The following FAU variants were observed in gnomAD, a reference collection of about 807,000 sequenced individuals.
FAU encodes FAU ubiquitin like and ribosomal protein S30 fusion.
For missense variants in FAU, 125 were observed against 173.9 expected (o/e 0.72, Z 1.58); for synonymous variants, 70 against 69.9 (o/e 1.00, Z -0.01).
Position 65,121,278 on chromosome 11 carries a change from C to T in FAU, c.220+222G>A, listed in dbSNP as rs578126888. 5.4e-6 allele frequency: 4 copies of T among 745,030 alleles called. No individual in the cohort carries two copies. In the African/African-American group the frequency reaches 7.1e-5, roughly 13 times the overall value. The allele number at this position is 745,030 out of a possible 1,614,324, so 46.2% of individuals were successfully genotyped here. ...TTTAGTGTGGAAGCTGATAACCAGA[C>T]TAGGATCTCGTGATGTGACTGAAAT... On this transcript the variant is annotated intron_variant, in intron 3 of 4. Coordinates refer to ENST00000529639, the MANE Select transcript of FAU (RefSeq NM_001997.5).
intron 3 of FAU, 114 bp downstream of exon 3, chr11:65,121,386 A>T: frequency 7.3e-7 from 1 of 1,361,296 alleles, no homozygotes; most frequent in Non-Finnish European, 1.0e-6. Context: ...TCTGAACTGA[A>T]GACAGTGAGA....
intron 4 of FAU, 22 bp downstream of exon 4, chr11:65,120,959 G>GA (rs1565332779): frequency 6.2e-7 from 1 of 1,613,738 alleles, no homozygotes; most frequent in Non-Finnish European, 8.5e-7. Flanking sequence ...CTAACACCAT[G>GA]ACCACTAATA....
intron 3 of FAU, 34 bp downstream of exon 3, chr11:65,121,466 C>T (rs377444105): frequency 7.1e-5 from 114 of 1,604,420 alleles, no homozygotes; most frequent in Non-Finnish European, 9.2e-5. Context: ...TAGACGCTTA[C>T]CGGTACTTCA....
chr11:65,121,423 C>T, intron 3 of FAU, 77 bp downstream of exon 3: 1 of 1,529,138 alleles, frequency 6.5e-7, no homozygotes. Context: ...AGGTGTGACA[C>T]TCAGCTGTCA....
chr11:65,121,561 A>C lies in FAU; in HGVS notation c.159T>G (p.Thr53=), dbSNP rs1332786558. 19 of 1,613,894 alleles carry C rather than the reference A, an allele frequency of 1.2e-5. No individual in the cohort carries two copies. Among genetic ancestry groups the C allele is most frequent in the Non-Finnish European group, 1.5e-5 (18 of 1,180,030 alleles). Residue 53 remains threonine (T), a synonymous_variant, in exon 3 of 5, where the codon ACT becomes ACG. Transcript: ENST00000529639. ...GGGCCTCCACCCCGCACTGGCCCAG[A>C]GTGGCCTCATCCTCCAGGGGCGCGC... ...LAGAPLEDEA[T]LGQCGVEALT...
chr11:65,121,684 C>G, intron 2 of FAU, 40 bp from the exon 3 acceptor site: 1 of 1,613,676 alleles, frequency 6.2e-7, no homozygotes. Context: ...TCCCTCGGGC[C>G]GCGAGAGTGA....
rs1948049179 is a variant in FAU at position 65,121,644 on chromosome 11, C to A, written c.76G>T (p.Ala26Ser). 1 of 1,613,826 alleles carries A rather than the reference C, an allele frequency of 6.2e-7. No homozygotes were observed. The highest frequency in any genetic ancestry group is 8.5e-7 in the Non-Finnish European group (1 of 1,179,934). Reference sequence around the variant, plus strand: ...ATGCCCTCCAGTGAGGCTACATGAGCCTACAGGGAAAGATAAGGCTCGTAA... The same window carrying A: ...ATGCCCTCCAGTGAGGCTACATGAGACTACAGGGAAAGATAAGGCTCGTAA... ...TGQETVAQIK[A>S]HVASLEGIAP... is the part of the protein sequence containing the mutation. The change falls in exon 3 of 5, where the codon GCT becomes TCT. Residue 26 changes from alanine (A) to serine (S), a missense_variant and splice_region_variant. Ala to Ser is a moderately conservative substitution (Grantham distance 99). Coordinates refer to ENST00000529639, the MANE Select transcript of FAU (RefSeq NM_001997.5).
In FAU at chr11:65,121,390, A is replaced by G. The variant is rs1359577226; in HGVS notation, c.220+110T>C. On this transcript the variant is annotated intron_variant, in intron 3 of 4. Transcript: ENST00000529639. ...GGAAGAATCACTCTGAACTGAAGAC[A>G]GTGAGAAGTACTCTATTACCATAGG... 4 of 1,380,998 alleles carry G rather than the reference A, an allele frequency of 2.9e-6. No homozygotes were observed. In the African/African-American group the frequency reaches 4.4e-5, roughly 15 times the overall value. 85.5% of individuals were successfully genotyped at this position (1,380,998 alleles called of 1,614,324 possible). A position where few individuals can be genotyped will look rare whatever the true frequency, so the allele number is the denominator to read the frequency against.
intron 1 of FAU, 114 bp downstream of exon 1, chr11:65,121,976 G>C: frequency 2.7e-6 from 2 of 736,184 alleles, no homozygotes; most frequent in Non-Finnish European, 4.5e-6. Flanking sequence ...AGTTCGGATA[G>C]GGACTGGAGC....
Sources: gnomAD v4.1 joint callset for allele counts on GRCh38, gnomAD v4.1.1 for gene constraint, MANE v1.5 for transcripts, NCBI Gene and HGNC (gene_info 2026-07-23, HGNC 2026-07-21) for gene names.